IMMP2L: variants seen among roughly 807,000 people sequenced by gnomAD.
The protein encoded by IMMP2L is mitochondrial inner membrane protease subunit 2.
IMMP2L carries 18 observed loss-of-function variants against 19.3 expected under a neutral mutation model. The ratio of observed to expected loss-of-function variants is 0.93; its 90% CI spans 0.64 to 1.38. The LOEUF (loss-of-function observed/expected upper bound fraction) is 1.38, where lower values mean the gene tolerates loss of function less well. Ranked by LOEUF, IMMP2L falls within the 40% of genes most tolerant of loss-of-function variation. The pLI, the probability that IMMP2L is intolerant of heterozygous loss-of-function variation, is 0.00. For synonymous variants in IMMP2L, 76 were observed against 73.0 expected, an observed-to-expected ratio of 1.04 and a Z score of -0.21; for missense variants, 233 against 218.2, an observed-to-expected ratio of 1.07 and a Z score of -0.43.
intron 3 of IMMP2L, among the ~76,000 whole-genome samples, chr7:111,334,380 GT>G (rs1826188495): frequency 2.6e-5 from 4 of 151,930 alleles, no homozygotes; most frequent in African/African-American, 9.7e-5. Flanking sequence ...CCACGTTGCT[GT>G]ACATGATAGG....
chr7:111,462,642 C>A (rs950524163), intron 3 of IMMP2L, among the ~76,000 whole-genome samples: 3 of 152,050 alleles, frequency 2.0e-5, no homozygotes, highest in Non-Finnish European at 4.4e-5. Context: ...TTTATCATTT[C>A]TTTGTGTGAT....
chr7:110,741,023 G>C (rs1796956455), intron 5 of IMMP2L, among the ~76,000 whole-genome samples: 1 of 151,880 alleles, frequency 6.6e-6, no homozygotes, highest in Admixed American at 6.6e-5. Flanking sequence ...ATATGAAAAA[G>C]ATACTTGCAC....
At chr7:111,518,145 T>A (rs1217406900) in intron 2 of IMMP2L, among the ~76,000 whole-genome samples, 1 of 151,974 alleles carries the variant, frequency 6.6e-6, no homozygotes, top group Non-Finnish European at 1.5e-5. Flanking sequence ...ATACTGAAAA[T>A]CCTAACTTAA....
rs550489690 is a variant in IMMP2L, at chr7:110,982,656, C to T, written c.240-19091G>A. ...CCACTGTGACTGTACAAGTATACTT[C>T]GTGACCACTAATGTATATTTGAAAA... On this transcript the variant is annotated intron_variant, in intron 3 of 5. Transcript: ENST00000405709. 7.2e-5 allele frequency among the ~76,000 whole-genome samples: 11 copies of T among 152,136 alleles called. No homozygotes were observed. The South Asian group carries it at 2.1e-3, about 29-fold the overall frequency.
intron 3 of IMMP2L, among the ~76,000 whole-genome samples, chr7:111,362,869 A>C (rs1264757941): frequency 3.9e-5 from 6 of 152,066 alleles, no homozygotes; most frequent in Non-Finnish European, 8.8e-5. Context: ...ATGAGTCAAG[A>C]GCAATTCTGA....
At chr7:111,423,084 G>C (rs1034093409) in intron 3 of IMMP2L, among the ~76,000 whole-genome samples, 1 of 151,772 alleles carries the variant, frequency 6.6e-6, no homozygotes. Context: ...GATCATGGTG[G>C]ATAAGCTTCT....
chr7:111,092,826 G>T (rs141626464), intron 3 of IMMP2L, among the ~76,000 whole-genome samples: 2 of 152,298 alleles, frequency 1.3e-5, no homozygotes, highest in African/African-American at 4.8e-5. Flanking sequence ...GACAGTAAAA[G>T]AAACCTAGCA....
intron 3 of IMMP2L, among the ~76,000 whole-genome samples, chr7:111,161,566 A>G (rs183624951): frequency 6.6e-6 from 1 of 151,998 alleles, no homozygotes; most frequent in Non-Finnish European, 1.5e-5. Context: ...TCAGGAAACG[A>G]AAAAGATACC....
At chr7:111,420,817 T>A (rs906208586) in intron 3 of IMMP2L, among the ~76,000 whole-genome samples, 1 of 151,754 alleles carries the variant, frequency 6.6e-6, no homozygotes, top group Admixed American at 6.6e-5. Flanking sequence ...TGATGGACAT[T>A]TGGGTTGGTT....
At chr7:111,131,653 T>A (rs1801857813) in intron 3 of IMMP2L, among the ~76,000 whole-genome samples, 1 of 151,930 alleles carries the variant, frequency 6.6e-6, no homozygotes, top group Non-Finnish European at 1.5e-5. Flanking sequence ...ACATGTATAA[T>A]GTAATATATA....
intron 3 of IMMP2L, among the ~76,000 whole-genome samples, chr7:111,012,075 T>C (rs1377960851): frequency 1.3e-5 from 2 of 151,714 alleles, no homozygotes; most frequent in Non-Finnish European, 2.9e-5. Context: ...GGAGTTCGAG[T>C]GGGAAAAAAG....
intron 3 of IMMP2L, among the ~76,000 whole-genome samples, chr7:111,293,128 G>A (rs902889828): frequency 6.6e-6 from 1 of 151,952 alleles, no homozygotes; most frequent in Non-Finnish European, 1.5e-5. Context: ...AACCCAGTAT[G>A]AGCAAAATAA....
rs1485362934 is a variant in IMMP2L, at chr7:111,517,460, AG to A, written c.135+3852del. ...ATGTATCAATTGCAAAAAAAAAAAA[AG>A]ATAATGACACAAAATTATTTATTTT... On this transcript the variant is annotated intron_variant, in intron 2 of 5. Coordinates refer to ENST00000405709, the MANE Select transcript of IMMP2L (RefSeq NM_032549.4). Among the ~76,000 whole-genome samples the A allele has an allele frequency of 2.6e-5, 4 of 151,668 alleles. 1 individual carries two copies. Among genetic ancestry groups the A allele is most frequent in the African/African-American group, 9.7e-5 (4 of 41,336 alleles).
intron 3 of IMMP2L, among the ~76,000 whole-genome samples, chr7:111,178,047 G>T (rs1431541894): frequency 6.6e-6 from 1 of 151,936 alleles, no homozygotes; most frequent in Non-Finnish European, 1.5e-5. Context: ...CTAGCTAGGG[G>T]ACATATACAT....
intron 3 of IMMP2L, among the ~76,000 whole-genome samples, chr7:111,001,082 T>C (rs1823632801): frequency 6.6e-6 from 1 of 152,146 alleles, no homozygotes; most frequent in Admixed American, 6.5e-5. Flanking sequence ...TGGTAATGTG[T>C]AGACACAGCA....
chr7:110,689,131 G>A (rs1264660631), intron 5 of IMMP2L, among the ~76,000 whole-genome samples: 7 of 152,084 alleles, frequency 4.6e-5, no homozygotes, highest in Non-Finnish European at 8.8e-5. Context: ...GTGGAACTCC[G>A]CATTCTGTGG....
chr7:111,451,892 A>T (rs1380682555), intron 3 of IMMP2L, among the ~76,000 whole-genome samples: 1 of 152,046 alleles, frequency 6.6e-6, no homozygotes, highest in Non-Finnish European at 1.5e-5. Context: ...TTTTTAAAAG[A>T]AAGGATTAAG....
At chr7:111,191,531 G>A (rs1262983392) in intron 3 of IMMP2L, among the ~76,000 whole-genome samples, 1 of 151,372 alleles carries the variant, frequency 6.6e-6, no homozygotes. Context: ...GACTTTTAAT[G>A]TACTCTTCCA....
chr7:111,489,036 C>CTTTTTTT (rs35930780), intron 2 of IMMP2L, among the ~76,000 whole-genome samples: 44 of 87,180 alleles, frequency 5.0e-4, no homozygotes, highest in African/African-American at 7.3e-4. Flanking sequence ...CCTCAATCCA[C>CTTTTTTT]TTTTTTTTTT....
Sources: gnomAD v4.1 joint callset for allele counts (sites outside exome capture counted in the v4.1 genomes callset) on GRCh38, gnomAD v4.1.1 for gene constraint, MANE v1.5 for transcripts, NCBI Gene and HGNC (gene_info 2026-07-23, HGNC 2026-07-21) for gene names.